SNX29: variants seen among roughly 807,000 people sequenced by gnomAD.
SNX29 encodes the protein sorting nexin 29, also known as sorting nexin-29.
Under a neutral mutation model 102.1 loss-of-function variants are expected in SNX29, and 78 were observed. That is an observed-to-expected ratio of 0.76 (90% confidence interval 0.64 to 0.92). SNX29 has a LOEUF of 0.92. Among genes scored for constraint, SNX29 ranks in the 40% least tolerant of loss-of-function variants. The probability of loss-of-function intolerance (pLI) is 0.00; values close to 1 mark genes in which losing one functional copy is unlikely to be tolerated. For missense variants in SNX29, 1,280 were observed against 1,061.7 expected (o/e 1.21, Z -2.86); for synonymous variants, 580 against 414.5 (o/e 1.40, Z -4.85).
chr16:12,568,678 C>T lies in SNX29; in HGVS notation c.*49C>T, dbSNP rs778943634. 3.2e-6 allele frequency: 5 copies of T among 1,583,520 alleles called. No homozygotes were observed. In the African/African-American group the frequency reaches 5.4e-5, roughly 17 times the overall value. On this transcript the variant is annotated 3_prime_UTR_variant, in exon 21 of 21. Transcript: ENST00000566228. ...GCCCTGTGCGTGGCACCAGCTGCGT[C>T]CACCCCAGCCACTGCCGCTGGCCCC...
intron 1 of SNX29, among the ~76,000 whole-genome samples, chr16:11,983,100 T>C (rs1331160434): frequency 6.6e-6 from 1 of 151,980 alleles, no homozygotes; most frequent in Non-Finnish European, 1.5e-5. Flanking sequence ...CTGGCTAATT[T>C]TTTGTATTTT....
At chr16:12,433,946 C>T (rs1233266139) in intron 18 of SNX29, among the ~76,000 whole-genome samples, 2 of 152,202 alleles carry the variant, frequency 1.3e-5, no homozygotes, top group Non-Finnish European at 2.9e-5. Flanking sequence ...GGTCAGTCTC[C>T]TCTGCTTAAC....
intron 20 of SNX29, among the ~76,000 whole-genome samples, chr16:12,548,750 G>A (rs2077771246): frequency 6.6e-6 from 1 of 152,166 alleles, no homozygotes; most frequent in Non-Finnish European, 1.5e-5. Context: ...TGTTTTCTGT[G>A]CTGAGCTCAT....
At chr16:12,214,287 C>T (rs1240723984) in intron 14 of SNX29, among the ~76,000 whole-genome samples, 1 of 152,344 alleles carries the variant, frequency 6.6e-6, no homozygotes, top group South Asian at 2.1e-4. Context: ...CCTCAGCTCC[C>T]TCCTCGGAAG....
chr16:12,146,269 T>C, intron 13 of SNX29, among the ~76,000 whole-genome samples: 1 of 152,116 alleles, frequency 6.6e-6, no homozygotes, highest in East Asian at 1.9e-4. Flanking sequence ...ATGATTTTTT[T>C]TTTTTTTCTT....
chr16:12,116,869 A>ACG (rs2053730063), intron 11 of SNX29, among the ~76,000 whole-genome samples: 2 of 134,054 alleles, frequency 1.5e-5, no homozygotes, highest in African/African-American at 5.7e-5. Context: ...AAACAGGCTT[A>ACG]GTCAATACCT....
At chr16:12,268,942 C>T (rs141618458) in intron 14 of SNX29, among the ~76,000 whole-genome samples, 1 of 152,124 alleles carries the variant, frequency 6.6e-6, no homozygotes, top group Admixed American at 6.5e-5. Flanking sequence ...CAGATACCCC[C>T]AAACAGATGT....
At chr16:12,136,885 G>T (rs1214315454) in intron 13 of SNX29, among the ~76,000 whole-genome samples, 1 of 152,124 alleles carries the variant, frequency 6.6e-6, no homozygotes, top group Non-Finnish European at 1.5e-5. Context: ...GATTACAGGT[G>T]CCCGCCATCA....
chr16:12,482,793 T>C (rs922262060), intron 19 of SNX29, among the ~76,000 whole-genome samples: 3 of 152,236 alleles, frequency 2.0e-5, no homozygotes, highest in African/African-American at 7.2e-5. Context: ...TCATTGGTGA[T>C]TGTCTGACAG....
At position 12,392,342 on chromosome 16, in the gene SNX29, C is replaced by T. The variant is rs151227618; in HGVS notation, c.1900-6104C>T. 1.8e-3 allele frequency among the ~76,000 whole-genome samples: 272 copies of T among 152,276 alleles called. 1 individual carries two copies. Among genetic ancestry groups the T allele is most frequent in the African/African-American group, 6.2e-3 (258 of 41,556 alleles). On this transcript the variant is annotated intron_variant, in intron 16 of 20. Coordinates refer to ENST00000566228, the MANE Select transcript of SNX29 (RefSeq NM_032167.5). ...TCCTTGTCTCTGTGCTTATGTTGTC[C>T]ATCACTCTTTATTTCTTGGAAAGAA...
intron 20 of SNX29, among the ~76,000 whole-genome samples, chr16:12,567,949 G>C (rs948843081): frequency 2.6e-5 from 4 of 152,128 alleles, no homozygotes; most frequent in African/African-American, 7.2e-5. Flanking sequence ...TCAGAACCAG[G>C]ATCAGTGTCC....
At chr16:12,049,304 T>C (rs938410057) in intron 7 of SNX29, among the ~76,000 whole-genome samples, 10 of 151,372 alleles carry the variant, frequency 6.6e-5, no homozygotes, top group African/African-American at 2.2e-4. Flanking sequence ...GCCTGGGCAA[T>C]GCAGTGAGAC....
rs374015136 is a variant in SNX29 at position 12,101,817 on chromosome 16, G to T, written c.1402+22902G>T. 4.6e-5 allele frequency among the ~76,000 whole-genome samples: 7 copies of T among 152,252 alleles called. No homozygotes were observed. In the East Asian group the frequency reaches 1.2e-3, roughly 25 times the overall value. ...GTTCTGGGATCCATGTGCAGAATGT[G>T]CATGCTTATTACATAGGTATACTTG... On this transcript the variant is annotated intron_variant, in intron 11 of 20. Coordinates refer to ENST00000566228, the MANE Select transcript of SNX29 (RefSeq NM_032167.5).
At chr16:12,302,016 A>G (rs1448060523) in intron 15 of SNX29, among the ~76,000 whole-genome samples, 1 of 152,234 alleles carries the variant, frequency 6.6e-6, no homozygotes, top group Non-Finnish European at 1.5e-5. Flanking sequence ...ATAATTACTT[A>G]GAATCTGGTT....
chr16:12,359,042 C>T (rs372865704), intron 16 of SNX29, among the ~76,000 whole-genome samples: 12 of 152,304 alleles, frequency 7.9e-5, no homozygotes, highest in South Asian at 2.1e-4. Flanking sequence ...TTGTGAGATC[C>T]GCATTTTATT....
At chr16:12,139,170 G>T (rs970419988) in intron 13 of SNX29, among the ~76,000 whole-genome samples, 2 of 124,714 alleles carry the variant, frequency 1.6e-5, no homozygotes, top group African/African-American at 3.1e-5. Flanking sequence ...GTACTCCAGA[G>T]CCTGGGCGAT....
chr16:12,329,103 C>A (rs1051624769), intron 15 of SNX29, among the ~76,000 whole-genome samples: 8 of 151,742 alleles, frequency 5.3e-5, no homozygotes, highest in Admixed American at 1.3e-4. Flanking sequence ...GAGACCCAGT[C>A]TCTACAAAAA....
chr16:12,351,476 T>G (rs1273075157), intron 15 of SNX29, among the ~76,000 whole-genome samples: 1 of 152,162 alleles, frequency 6.6e-6, no homozygotes, highest in East Asian at 1.9e-4. Flanking sequence ...ATCTAATTAA[T>G]CAAGAAGCAT....
At chr16:12,334,114 C>CA (rs780945017) in intron 15 of SNX29, among the ~76,000 whole-genome samples, 2 of 152,162 alleles carry the variant, frequency 1.3e-5, no homozygotes, top group Non-Finnish European at 2.9e-5. Context: ...AAGACACTGT[C>CA]ACCTCTGAAG....
Sources: gnomAD v4.1 joint callset for allele counts (sites outside exome capture counted in the v4.1 genomes callset) on GRCh38, gnomAD v4.1.1 for gene constraint, MANE v1.5 for transcripts, NCBI Gene and HGNC (gene_info 2026-07-23, HGNC 2026-07-21) for gene names.